Variants in KIF26B observed in about 807,000 individuals in gnomAD.
The protein encoded by KIF26B is kinesin-like protein KIF26B.
KIF26B carries 63 observed loss-of-function variants against 151.2 expected under a neutral mutation model. That is an observed-to-expected ratio of 0.42 (90% CI 0.34 to 0.51). The LOEUF (loss-of-function observed/expected upper bound fraction) is 0.51. Among genes scored for constraint, KIF26B ranks in the 20% least tolerant of loss-of-function variants. The pLI is 0.07. For synonymous variants in KIF26B, 1,357 were observed against 1,262.1 expected, an observed-to-expected ratio of 1.08 and a Z score of -1.59; for missense variants, 2,813 against 2,913.6, an observed-to-expected ratio of 0.97 and a Z score of 0.79.
chr1:245,225,852 G>A (rs534606447), intron 2 of KIF26B, among the ~76,000 whole-genome samples: 17 of 152,282 alleles, frequency 1.1e-4, no homozygotes, highest in African/African-American at 3.1e-4. Context: ...CTGATCAAAC[G>A]TCATGCTGAT....
intron 4 of KIF26B, among the ~76,000 whole-genome samples, chr1:245,501,943 A>G (rs1250935038): frequency 6.6e-6 from 1 of 152,242 alleles, no homozygotes; most frequent in Admixed American, 6.5e-5. Flanking sequence ...CATCTATATA[A>G]TAATCTGAGA....
At chr1:245,646,886 C>T (rs2103185884) in intron 10 of KIF26B, among the ~76,000 whole-genome samples, 1 of 152,090 alleles carries the variant, frequency 6.6e-6, no homozygotes, top group South Asian at 2.1e-4. Context: ...TTTACTACTG[C>T]TCCAATTAAA....
At chr1:245,443,731 C>G (rs982509591) in intron 4 of KIF26B, among the ~76,000 whole-genome samples, 1 of 114,164 alleles carries the variant, frequency 8.8e-6, no homozygotes, top group Non-Finnish European at 2.0e-5. Context: ...GAGCGGTCAT[C>G]TCCCTCACTG....
At chr1:245,415,053 G>A (rs989606276) in intron 3 of KIF26B, among the ~76,000 whole-genome samples, 1 of 152,184 alleles carries the variant, frequency 6.6e-6, no homozygotes, top group African/African-American at 2.4e-5. Context: ...CTGTGAAGTG[G>A]AAACAATAGC....
intron 2 of KIF26B, among the ~76,000 whole-genome samples, chr1:245,265,497 G>A (rs974783580): frequency 1.1e-4 from 17 of 151,618 alleles, no homozygotes; most frequent in Non-Finnish European, 7.4e-5. Context: ...TTAGTTTGAA[G>A]TAGACCAAAT....
chr1:245,415,324 A>G (rs1484001304), intron 3 of KIF26B, among the ~76,000 whole-genome samples: 6 of 152,156 alleles, frequency 3.9e-5, no homozygotes, highest in Non-Finnish European at 5.9e-5. Context: ...GTAGTAGGTC[A>G]TTATTTTGTT....
At chr1:245,204,175 G>A (rs1669355164) in intron 2 of KIF26B, among the ~76,000 whole-genome samples, 1 of 152,162 alleles carries the variant, frequency 6.6e-6, no homozygotes, top group African/African-American at 2.4e-5. Context: ...ATGGAGAGGA[G>A]CTCTCACAAG....
chr1:245,618,828 C>A (rs1043586252), intron 9 of KIF26B, among the ~76,000 whole-genome samples: 5 of 148,122 alleles, frequency 3.4e-5, no homozygotes, highest in African/African-American at 1.3e-4. Context: ...GTGAGCTTGT[C>A]CAAGCCCTAT....
In KIF26B at chr1:245,685,257, C is replaced by A. The variant is rs991661019; in HGVS notation, c.2422-148C>A. On this transcript the variant is annotated intron_variant, in intron 11 of 14. Transcript: ENST00000407071. ...TGACACCGGGCGCGCGGGCATGGCA[C>A]CCCGAGTGGCCCACGTGCGGGAGGC... 1.4e-5 allele frequency: 9 copies of A among 640,096 alleles called. No homozygotes were observed. In the African/African-American group the frequency reaches 1.6e-4, roughly 12 times the overall value. The allele number at this position is 640,096 out of a possible 1,614,324, so 39.7% of individuals were successfully genotyped here. A position where few individuals can be genotyped will look rare whatever the true frequency, so the allele number is the denominator to read the frequency against.
chr1:245,316,099 T>C (rs950927829), intron 2 of KIF26B, among the ~76,000 whole-genome samples: 3 of 151,922 alleles, frequency 2.0e-5, no homozygotes, highest in Non-Finnish European at 4.4e-5. Flanking sequence ...GCAAGGAAAA[T>C]TGCTGAGACT....
chr1:245,156,147 C>T, intron 1 of KIF26B, 135 bp from the exon 2 acceptor site: 1 of 1,321,422 alleles, frequency 7.6e-7, no homozygotes. Context: ...AATTTGGCCG[C>T]AGGGCTTGGA....
At position 245,687,800 on chromosome 1, in the gene KIF26B, T is replaced by C. The variant is rs936653343; in HGVS notation, c.4817T>C (p.Leu1606Pro). ...PPLPPVRKSS[L>P]DQKNRASPQH... ...CTGCCCCCTGTCCGAAAGTCCAGCC[T>C]GGACCAGAAGAACCGGGCCAGCCCT... Residue 1606 changes from leucine to proline, a missense_variant, in exon 12 of 15, where the codon CTG (leucine) becomes CCG (proline). By Grantham distance (98) the Leu-to-Pro change is moderately conservative. Coordinates refer to ENST00000407071, the MANE Select transcript of KIF26B (RefSeq NM_018012.4). The surrounding 1 kb of genome is among the most constrained non-coding windows in gnomAD (Gnocchi z 4.9). 3.1e-6 allele frequency: 5 copies of C among 1,592,172 alleles called. No homozygotes were observed. Among genetic ancestry groups the C allele is most frequent in the Non-Finnish European group, 4.3e-6 (5 of 1,170,044 alleles).
intron 4 of KIF26B, among the ~76,000 whole-genome samples, chr1:245,499,563 T>A (rs1485274691): frequency 6.6e-6 from 1 of 152,222 alleles, no homozygotes; most frequent in African/African-American, 2.4e-5. Flanking sequence ...CATAGATAAA[T>A]AGACAACTTT....
intron 2 of KIF26B, among the ~76,000 whole-genome samples, chr1:245,178,263 C>T (rs1445704328): frequency 6.6e-6 from 1 of 152,142 alleles, no homozygotes; most frequent in African/African-American, 2.4e-5. Flanking sequence ...CTTTCAAGCA[C>T]AACCGTATAT....
intron 2 of KIF26B, among the ~76,000 whole-genome samples, chr1:245,297,080 C>G (rs1185765062): frequency 7.7e-6 from 1 of 130,446 alleles, no homozygotes; most frequent in Non-Finnish European, 1.6e-5. Context: ...TGGTGGCTCA[C>G]GCCTGTAATC....
At chr1:245,319,339 G>A (rs1020220121) in intron 2 of KIF26B, among the ~76,000 whole-genome samples, 1 of 152,178 alleles carries the variant, frequency 6.6e-6, no homozygotes, top group Non-Finnish European at 1.5e-5. Context: ...GTGGCATTTT[G>A]CTGGGCCACT....
chr1:245,376,002 A>G (rs992986879), intron 3 of KIF26B, among the ~76,000 whole-genome samples: 1 of 152,028 alleles, frequency 6.6e-6, no homozygotes, highest in African/African-American at 2.4e-5. Flanking sequence ...CACCACAGCG[A>G]CTCTCCATTG....
Position 245,462,177 on chromosome 1 carries a change from G to A in KIF26B, c.1166+42432G>A, listed in dbSNP as rs74156722. 7.5e-3 allele frequency among the ~76,000 whole-genome samples: 1,142 copies of A among 152,218 alleles called. 17 individuals carry two copies. The highest frequency in any genetic ancestry group is 0.026 in the African/African-American group (1,097 of 41,544). On this transcript the variant is annotated intron_variant, in intron 4 of 14. Transcript: ENST00000407071. ...AAAAGAAGAAGAAATGTAAGTTTAG[G>A]CATCTTGAAGGCAGGAGATTTTGAC...
chr1:245,646,685 A>C (rs1198524960), intron 10 of KIF26B, among the ~76,000 whole-genome samples: 1 of 152,194 alleles, frequency 6.6e-6, no homozygotes, highest in Non-Finnish European at 1.5e-5. Flanking sequence ...TAGGATATCC[A>C]GGCAAATTCA....
Sources: gnomAD v4.1 joint callset for allele counts (sites outside exome capture counted in the v4.1 genomes callset) on GRCh38, gnomAD v4.1.1 for gene constraint, Gnocchi (gnomAD v3.1) non-coding constraint, MANE v1.5 for transcripts, NCBI Gene and HGNC (gene_info 2026-07-23, HGNC 2026-07-21) for gene names.